ATP11A: variants seen among roughly 807,000 people sequenced by gnomAD.
ATP11A encodes the protein ATPase phospholipid transporting 11A.
ATP11A carries 81 observed loss-of-function variants against 154.4 expected under a neutral mutation model. The observed-to-expected ratio is 0.52, with a 90% confidence interval of 0.44 to 0.63. The LOEUF (loss-of-function observed/expected upper bound fraction) is 0.63, where lower values mean the gene tolerates loss of function less well. Among genes scored for constraint, ATP11A ranks in the 30% least tolerant of loss-of-function variants. ATP11A has a pLI of 0.00. For synonymous variants in ATP11A, 623 were observed against 585.9 expected, an observed-to-expected ratio of 1.06 and a Z score of -0.91; for missense variants, 1,316 against 1,474.3, an observed-to-expected ratio of 0.89 and a Z score of 1.76.
intron 1 of ATP11A, among the ~76,000 whole-genome samples, chr13:112,764,194 T>TC (rs2077023545): frequency 6.6e-6 from 1 of 152,160 alleles, no homozygotes; most frequent in Admixed American, 6.5e-5. Flanking sequence ...ACCCTAGGCG[T>TC]CCTGGCACGG....
At chr13:112,870,278 T>C (rs1244051517) in intron 25 of ATP11A, among the ~76,000 whole-genome samples, 3 of 152,236 alleles carry the variant, frequency 2.0e-5, no homozygotes, top group Non-Finnish European at 2.9e-5. Context: ...CCACTGACCA[T>C]GTGGGAGGAC....
At position 112,875,580 on chromosome 13, in the gene ATP11A, C is replaced by T. The variant is rs368082845; in HGVS notation, c.3162-196C>T. 6.6e-6 allele frequency among the ~76,000 whole-genome samples: 1 copy of T among 151,550 alleles called. No individual in the cohort carries two copies. Reference sequence around the variant, plus strand: ...ACTTCATAGAATTCCTTCTCCCGTTCCTCTTACCCCAGCATTACCGGGAGG... The same window carrying T: ...ACTTCATAGAATTCCTTCTCCCGTTTCTCTTACCCCAGCATTACCGGGAGG... On this transcript the variant is annotated intron_variant, in intron 27 of 29. Coordinates refer to ENST00000375645, the MANE Select transcript of ATP11A (RefSeq NM_015205.3). This position sits in a 1 kb window ranked among gnomAD's most constrained non-coding sequence, Gnocchi z 4.1.
intron 1 of ATP11A, 140 bp from the exon 2 acceptor site, chr13:112,784,995 C>T (rs1239746181): frequency 1.4e-5 from 16 of 1,122,484 alleles, no homozygotes; most frequent in Non-Finnish European, 1.9e-5. Context: ...GGCCCCAGGT[C>T]TCCCTGCAGC....
At chr13:112,789,913 A>G (rs1468314831) in intron 2 of ATP11A, among the ~76,000 whole-genome samples, 1 of 151,722 alleles carries the variant, frequency 6.6e-6, no homozygotes, top group African/African-American at 2.4e-5. Context: ...TACTTAATTC[A>G]CACCTGGCAT....
intron 2 of ATP11A, among the ~76,000 whole-genome samples, chr13:112,799,379 A>G (rs570846005): frequency 1.1e-3 from 163 of 152,322 alleles, no homozygotes; most frequent in African/African-American, 2.9e-3. Flanking sequence ...ACTTGGATGC[A>G]AGTGGGCTGA....
At chr13:112,816,406 AT>A (rs1347963501) in intron 6 of ATP11A, among the ~76,000 whole-genome samples, 195 bp downstream of exon 6, 1 of 152,152 alleles carries the variant, frequency 6.6e-6, no homozygotes, top group Non-Finnish European at 1.5e-5. Context: ...CTTTTTAAAA[AT>A]AAATTGTATT....
At position 112,732,060 on chromosome 13, in the gene ATP11A, A is replaced by G. The variant is rs947126126; in HGVS notation, c.39+41605A>G. 8.5e-5 allele frequency among the ~76,000 whole-genome samples: 13 copies of G among 152,234 alleles called. No individual in the cohort carries two copies. The East Asian group carries it at 1.5e-3, about 18-fold the overall frequency. On this transcript the variant is annotated intron_variant, in intron 1 of 29. Transcript: ENST00000375645. ...CATACCTGCACCTACGGTGTTGTGC[A>G]GTGAGTAAAAGGCTCCGGCATGAGT...
intron 1 of ATP11A, among the ~76,000 whole-genome samples, chr13:112,723,656 A>G (rs1173414779): frequency 6.6e-6 from 1 of 151,998 alleles, no homozygotes; most frequent in East Asian, 2.0e-4. Flanking sequence ...GAGGGGGTAG[A>G]AGGAGGTATG....
At chr13:112,861,166 A>C (rs1448863873) in intron 24 of ATP11A, among the ~76,000 whole-genome samples, 1 of 152,196 alleles carries the variant, frequency 6.6e-6, no homozygotes, top group East Asian at 1.9e-4. Context: ...CACTATTACG[A>C]GAACAACATG....
At chr13:112,846,604 C>T (rs1280052831) in intron 17 of ATP11A, among the ~76,000 whole-genome samples, 1 of 152,198 alleles carries the variant, frequency 6.6e-6, no homozygotes, top group African/African-American at 2.4e-5. Flanking sequence ...ATCCTCCTCG[C>T]TAACTGCACC....
intron 25 of ATP11A, among the ~76,000 whole-genome samples, chr13:112,863,012 G>A (rs1246582090): frequency 3.8e-3 from 546 of 143,026 alleles, no homozygotes; most frequent in African/African-American, 0.015. Context: ...GCTTCCCAGC[G>A]GGGTCCATCA....
At chr13:112,820,185 G>A (rs1022990135) in intron 8 of ATP11A, among the ~76,000 whole-genome samples, 3 of 152,230 alleles carry the variant, frequency 2.0e-5, no homozygotes, top group African/African-American at 4.8e-5. Context: ...AGACTCTGCC[G>A]AGAGGGTCGT....
At chr13:112,792,396 T>C (rs3813738) in intron 2 of ATP11A, among the ~76,000 whole-genome samples, 7,292 of 152,260 alleles carry the variant, frequency 0.048, 268 homozygotes, top group Admixed American at 0.08. Context: ...TTTGTGATAA[T>C]GTATCTATGT....
chr13:112,841,174 C>T (rs1297124087), intron 16 of ATP11A, among the ~76,000 whole-genome samples: 2 of 147,842 alleles, frequency 1.4e-5, no homozygotes, highest in Non-Finnish European at 3.0e-5. Flanking sequence ...GTCGGGAGCA[C>T]CTGCGCCCAG....
At chr13:112,700,245 G>A (rs1886360790) in intron 1 of ATP11A, among the ~76,000 whole-genome samples, 1 of 152,096 alleles carries the variant, frequency 6.6e-6, no homozygotes, top group African/African-American at 2.4e-5. Context: ...GCCTGGCAAG[G>A]CATCTCTGTC....
chr13:112,877,287 C>A (rs1285768684), intron 28 of ATP11A, among the ~76,000 whole-genome samples: 1 of 152,196 alleles, frequency 6.6e-6, no homozygotes, highest in African/African-American at 2.4e-5. Context: ...CTCACCGGCC[C>A]CAAGCAGCCA....
chr13:112,698,309 C>T (rs1174755664), intron 1 of ATP11A, among the ~76,000 whole-genome samples: 2 of 152,170 alleles, frequency 1.3e-5, no homozygotes, highest in African/African-American at 2.4e-5. Flanking sequence ...CCTGAGACCA[C>T]CCCACCCGGT....
chr13:112,870,916 C>A (rs1053497188), intron 25 of ATP11A, among the ~76,000 whole-genome samples: 12 of 152,198 alleles, frequency 7.9e-5, no homozygotes, highest in African/African-American at 2.9e-4. Context: ...GCACGCGGTC[C>A]TCACGGGTGT....
rs755084330 is a variant in ATP11A at position 112,785,140 on chromosome 13, A to G, written c.45A>G (p.Ala15=). The change falls in exon 2 of 30, where the codon GCA becomes GCG. Residue 15 remains alanine (A), a synonymous_variant. Coordinates refer to ENST00000375645, the MANE Select transcript of ATP11A (RefSeq NM_015205.3). The surrounding 1 kb of genome is among the most constrained non-coding windows in gnomAD (Gnocchi z 4.8). The stretch of plus-strand genomic sequence containing the variant: ...CACCGCTCTCCTTTCCGCAGTGTGC[A>G]GGAGAAGAGAATTGGGTGGACAGCA... ...LVRTLVHRYC[A]GEENWVDSRT... The G allele has an allele frequency of 6.5e-7, 1 of 1,543,670 alleles. No individual in the cohort carries two copies. Among genetic ancestry groups the G allele is most frequent in the South Asian group, 1.2e-5 (1 of 80,864 alleles).
Sources: gnomAD v4.1 joint callset for allele counts (sites outside exome capture counted in the v4.1 genomes callset) on GRCh38, gnomAD v4.1.1 for gene constraint, Gnocchi (gnomAD v3.1) non-coding constraint, MANE v1.5 for transcripts, NCBI Gene and HGNC (gene_info 2026-07-23, HGNC 2026-07-21) for gene names.